CNTNAP5: variants seen among roughly 807,000 people sequenced by gnomAD.
CNTNAP5 encodes contactin associated protein family member 5, also known as contactin-associated protein-like 5.
CNTNAP5 carries 72 observed loss-of-function variants against 150.2 expected under a neutral mutation model. The observed-to-expected ratio is 0.48, with a 90% CI of 0.40 to 0.58. CNTNAP5 has a LOEUF of 0.58. Among genes scored for constraint, CNTNAP5 ranks in the 20% least tolerant of loss-of-function variants. CNTNAP5 has a pLI of 0.00. For missense variants in CNTNAP5, 1,636 were observed against 1,626.2 expected, an observed-to-expected ratio of 1.01 and a Z score of -0.10; for synonymous variants, 672 against 619.8, an observed-to-expected ratio of 1.08 and a Z score of -1.25.
chr2:124,125,193 G>C (rs2083285), intron 1 of CNTNAP5, among the ~76,000 whole-genome samples: 12,919 of 152,150 alleles, frequency 0.085, 739 homozygotes, highest in Non-Finnish European at 0.13. Context: ...GCACATGTAG[G>C]CTCAAAATAA....
At chr2:124,064,432 C>A (rs1682101556) in intron 1 of CNTNAP5, among the ~76,000 whole-genome samples, 1 of 151,992 alleles carries the variant, frequency 6.6e-6, no homozygotes, top group African/African-American at 2.4e-5. Flanking sequence ...ATTCCATGAC[C>A]TTTATACATC....
At chr2:124,536,501 C>T (rs1341641524) in intron 10 of CNTNAP5, among the ~76,000 whole-genome samples, 1 of 152,012 alleles carries the variant, frequency 6.6e-6, no homozygotes, top group Non-Finnish European at 1.5e-5. Context: ...TGAGAACCAC[C>T]ACGTTGTTCG....
At chr2:124,157,632 A>G (rs1373721070) in intron 1 of CNTNAP5, among the ~76,000 whole-genome samples, 1 of 152,228 alleles carries the variant, frequency 6.6e-6, no homozygotes, top group Non-Finnish European at 1.5e-5. Flanking sequence ...TTCCACTTCT[A>G]TTAAATAGTT....
At chr2:124,225,341 C>A (rs922370089) in intron 2 of CNTNAP5, among the ~76,000 whole-genome samples, 1 of 152,094 alleles carries the variant, frequency 6.6e-6, no homozygotes, top group African/African-American at 2.4e-5. Context: ...CGGCTTTCAC[C>A]CAAGTGATCT....
chr2:124,671,942 G>A (rs185523169), intron 13 of CNTNAP5, among the ~76,000 whole-genome samples: 1 of 152,202 alleles, frequency 6.6e-6, no homozygotes, highest in East Asian at 1.9e-4. Flanking sequence ...ACCTCGCCAA[G>A]ACTCTTTTAA....
chr2:124,567,460 T>A (rs1696049978), intron 11 of CNTNAP5, among the ~76,000 whole-genome samples: 1 of 152,196 alleles, frequency 6.6e-6, no homozygotes. Flanking sequence ...AGCTTTCCCA[T>A]ATGAAGAGGA....
intron 3 of CNTNAP5, among the ~76,000 whole-genome samples, chr2:124,344,246 A>T (rs144963668): frequency 1.4e-3 from 215 of 152,214 alleles, no homozygotes; most frequent in Non-Finnish European, 2.0e-3. Context: ...CAATCATATC[A>T]TCCCAATATT....
intron 5 of CNTNAP5, among the ~76,000 whole-genome samples, chr2:124,438,537 G>C (rs972079728): frequency 6.6e-6 from 1 of 152,160 alleles, no homozygotes; most frequent in Non-Finnish European, 1.5e-5. Context: ...ACTCAAGTGA[G>C]ACTCCTAGAA....
rs769026647 is a variant in CNTNAP5, at chr2:124,527,253, ATTC to A, written c.1478-25_1478-23del. 6.4e-5 allele frequency: 101 copies of A among 1,588,354 alleles called. No individual in the cohort carries two copies. The South Asian group carries it at 1.1e-3, about 17-fold the overall frequency. ...CAAAGCAATGACGGATCATTTCAGC[ATTC>A]TTCTTCATCTTTTTTCTCTGTCCCA... On this transcript the variant is annotated intron_variant, in intron 9 of 23. Coordinates refer to ENST00000682447, the MANE Select transcript of CNTNAP5 (RefSeq NM_001367498.1).
chr2:124,557,694 A>G (rs1695791002), intron 10 of CNTNAP5, among the ~76,000 whole-genome samples: 1 of 152,168 alleles, frequency 6.6e-6, no homozygotes, highest in Non-Finnish European at 1.5e-5. Flanking sequence ...CTAAAGACAA[A>G]TAAAATGGCA....
In CNTNAP5 at chr2:124,371,735, T is replaced by TA. The variant is rs564387540; in HGVS notation, c.382-45708_382-45707insA. 2.8e-3 allele frequency among the ~76,000 whole-genome samples: 432 copies of TA among 152,208 alleles called. 4 individuals carry two copies. In the East Asian group the frequency reaches 0.034, roughly 12 times the overall value. ...GATACAGGAAATCATACATGTAATC[T>TA]TAACATACTATACATAAATTCTTAG... On this transcript the variant is annotated intron_variant, in intron 3 of 23. Transcript: ENST00000682447.
chr2:124,481,631 C>A (rs1693763686), intron 7 of CNTNAP5, among the ~76,000 whole-genome samples: 1 of 151,990 alleles, frequency 6.6e-6, no homozygotes, highest in South Asian at 2.1e-4. Flanking sequence ...ATATCATAGA[C>A]CACAGTTTAT....
intron 19 of CNTNAP5, among the ~76,000 whole-genome samples, chr2:124,812,312 T>G (rs1682253964): frequency 6.7e-6 from 1 of 150,018 alleles, no homozygotes. Context: ...CTCCATGAGC[T>G]ACCTAGAGCA....
chr2:124,745,594 G>C (rs1680588228), intron 13 of CNTNAP5, among the ~76,000 whole-genome samples: 1 of 152,146 alleles, frequency 6.6e-6, no homozygotes, highest in African/African-American at 2.4e-5. Context: ...GTATTTTACA[G>C]TGATTTACAG....
chr2:124,819,753 A>G (rs1294764388), intron 19 of CNTNAP5, among the ~76,000 whole-genome samples: 1 of 152,182 alleles, frequency 6.6e-6, no homozygotes, highest in Non-Finnish European at 1.5e-5. Flanking sequence ...AACTGTAAGA[A>G]AAAACAGACA....
chr2:124,673,552 T>G (rs1212284736), intron 13 of CNTNAP5, among the ~76,000 whole-genome samples: 1 of 152,058 alleles, frequency 6.6e-6, no homozygotes, highest in African/African-American at 2.4e-5. Context: ...CCAACAGGCT[T>G]TGTTTTTGGG....
intron 1 of CNTNAP5, among the ~76,000 whole-genome samples, chr2:124,188,976 T>C (rs555381957): frequency 6.6e-6 from 1 of 152,242 alleles, no homozygotes; most frequent in Admixed American, 6.5e-5. Flanking sequence ...ATAATGGGAT[T>C]TCAGTATTTT....
chr2:124,869,811 T>C (rs765108626), intron 21 of CNTNAP5, 49 bp downstream of exon 21: 1 of 1,130,788 alleles, frequency 8.8e-7, no homozygotes, highest in Non-Finnish European at 1.3e-6. Flanking sequence ...TTAAAATAAA[T>C]GAATGCATAA....
At chr2:124,707,930 C>T (rs115068089) in intron 13 of CNTNAP5, among the ~76,000 whole-genome samples, 2,442 of 152,160 alleles carry the variant, frequency 0.016, 78 homozygotes, top group African/African-American at 0.056. Flanking sequence ...AGCAATGCTT[C>T]CAGGATAAAA....
Sources: gnomAD v4.1 joint callset for allele counts (sites outside exome capture counted in the v4.1 genomes callset) on GRCh38, gnomAD v4.1.1 for gene constraint, MANE v1.5 for transcripts, NCBI Gene and HGNC (gene_info 2026-07-23, HGNC 2026-07-21) for gene names.